The following ETV6 variants were observed in gnomAD, a reference collection of about 807,000 sequenced individuals.
ETV6 encodes the protein transcription factor ETV6.
Under a neutral mutation model 51.1 loss-of-function variants are expected in ETV6, and 16 were observed. The observed-to-expected ratio is 0.31, with a 90% CI of 0.21 to 0.48. The LOEUF (loss-of-function observed/expected upper bound fraction) is 0.48, where lower values mean the gene tolerates loss of function less well. ETV6 is among the 20% of genes least tolerant of loss of function. The pLI is 0.99. For synonymous variants in ETV6, 240 were observed against 224.1 expected (o/e 1.07, Z -0.64); for missense variants, 458 against 594.8 (o/e 0.77, Z 2.39).
At chr12:11,777,724 C>T (rs1215536910) in intron 2 of ETV6, among the ~76,000 whole-genome samples, 1 of 152,170 alleles carries the variant, frequency 6.6e-6, no homozygotes, top group Non-Finnish European at 1.5e-5. Context: ...CAACACACTT[C>T]TTCATTCCAA....
intron 2 of ETV6, among the ~76,000 whole-genome samples, chr12:11,828,716 G>A (rs941462671): frequency 1.3e-5 from 2 of 152,094 alleles, no homozygotes; most frequent in African/African-American, 2.4e-5. Context: ...AAAGAATCCT[G>A]TACCTTCTTC....
At chr12:11,887,909 A>G (rs1311168796) in intron 7 of ETV6, among the ~76,000 whole-genome samples, 2 of 152,126 alleles carry the variant, frequency 1.3e-5, no homozygotes, top group Non-Finnish European at 2.9e-5. Context: ...TTGGCTCTTC[A>G]GCACCATTCC....
chr12:11,739,014 T>C (rs1274030452), intron 1 of ETV6, among the ~76,000 whole-genome samples: 7 of 152,116 alleles, frequency 4.6e-5, no homozygotes, highest in Admixed American at 3.3e-4. Flanking sequence ...CTTTGCAAAG[T>C]GGCGTCCTGA....
chr12:11,708,883 G>A (rs1299112971), intron 1 of ETV6, among the ~76,000 whole-genome samples: 1 of 152,194 alleles, frequency 6.6e-6, no homozygotes, highest in Non-Finnish European at 1.5e-5. Flanking sequence ...GTAAGAAACT[G>A]TCCCAGAATT....
chr12:11,820,682 G>A (rs1946065100), intron 2 of ETV6, among the ~76,000 whole-genome samples: 1 of 152,150 alleles, frequency 6.6e-6, no homozygotes, highest in African/African-American at 2.4e-5. Flanking sequence ...GGGAAAGGAT[G>A]ATGGCAGGAA....
At chr12:11,802,971 T>C (rs1184419848) in intron 2 of ETV6, among the ~76,000 whole-genome samples, 1 of 152,216 alleles carries the variant, frequency 6.6e-6, no homozygotes, top group Non-Finnish European at 1.5e-5. Context: ...CTATTTCATA[T>C]AGGTAGACAG....
chr12:11,714,458 T>C lies in ETV6; in HGVS notation c.34-37992T>C, dbSNP rs150873103. ...CTACGCAGCCTGCCTTCTTCTCTTC[T>C]AGCATGTATTTGATTAGGGGCCTGC... On this transcript the variant is annotated intron_variant, in intron 1 of 7. Coordinates refer to ENST00000396373, the MANE Select transcript of ETV6 (RefSeq NM_001987.5). 2.1e-3 allele frequency among the ~76,000 whole-genome samples: 315 copies of C among 152,296 alleles called. 2 individuals carry two copies. The highest frequency in any genetic ancestry group is 3.5e-3 in the Non-Finnish European group (239 of 68,024).
chr12:11,863,947 C>G (rs776718369), intron 4 of ETV6, among the ~76,000 whole-genome samples: 1 of 152,324 alleles, frequency 6.6e-6, no homozygotes, highest in South Asian at 2.1e-4. Context: ...TAAATACCCT[C>G]GGATCCAGTT....
intron 2 of ETV6, among the ~76,000 whole-genome samples, chr12:11,832,647 A>G (rs986154844): frequency 2.6e-5 from 4 of 152,258 alleles, no homozygotes; most frequent in African/African-American, 4.8e-5. Flanking sequence ...GGAGCCAGCC[A>G]TCTGCTCCTC....
Position 11,893,371 on chromosome 12 carries a change from T to C in ETV6, c.*2325T>C, listed in dbSNP as rs1260812739. On this transcript the variant is annotated 3_prime_UTR_variant, in exon 8 of 8. Transcript: ENST00000396373. ...CTTACTGTTCAAAGAATCTTAACAG[T>C]TGAATTATGGAGGGAAATTCCCTTT... The C allele has an allele frequency of 4.3e-6, 1 of 232,084 alleles. No homozygotes were observed. The highest frequency in any genetic ancestry group is 8.5e-6 in the Non-Finnish European group (1 of 117,536). The allele number at this position is 232,084 out of a possible 1,614,324, so 14.4% of individuals were successfully genotyped here. A position where few individuals can be genotyped will look rare whatever the true frequency, so the allele number is the denominator to read the frequency against.
At chr12:11,788,379 AAACG>A (rs1293724802) in intron 2 of ETV6, among the ~76,000 whole-genome samples, 1 of 152,242 alleles carries the variant, frequency 6.6e-6, no homozygotes, top group Non-Finnish European at 1.5e-5. Flanking sequence ...CCTTTAAAAA[AAACG>A]AACCACCACC....
chr12:11,874,730 GTA>G (rs201885095), intron 5 of ETV6, among the ~76,000 whole-genome samples: 2 of 149,206 alleles, frequency 1.3e-5, no homozygotes, highest in African/African-American at 4.9e-5. Flanking sequence ...ATATATATGT[GTA>G]TATATATATG....
chr12:11,838,033 C>A (rs1036943414), intron 2 of ETV6, among the ~76,000 whole-genome samples: 4 of 152,008 alleles, frequency 2.6e-5, no homozygotes, highest in Non-Finnish European at 5.9e-5. Context: ...TTTCCCAAAC[C>A]AAAAATAATT....
At chr12:11,867,853 GT>G (rs1238193656) in intron 4 of ETV6, among the ~76,000 whole-genome samples, 1 of 152,206 alleles carries the variant, frequency 6.6e-6, no homozygotes, top group Non-Finnish European at 1.5e-5. Flanking sequence ...ATTGAGTTGG[GT>G]GTGGAGCCGT....
chr12:11,743,049 C>G (rs780013486), intron 1 of ETV6, among the ~76,000 whole-genome samples: 1 of 152,068 alleles, frequency 6.6e-6, no homozygotes, highest in Non-Finnish European at 1.5e-5. Context: ...CTCGAGGGAT[C>G]CTCTTGCCCT....
At chr12:11,672,666 C>T (rs1864342308) in intron 1 of ETV6, among the ~76,000 whole-genome samples, 1 of 152,214 alleles carries the variant, frequency 6.6e-6, no homozygotes, top group Admixed American at 6.5e-5. Context: ...GTAAATCATG[C>T]TGCTCATAAC....
At chr12:11,658,297 G>C (rs964091566) in intron 1 of ETV6, among the ~76,000 whole-genome samples, 6 of 152,126 alleles carry the variant, frequency 3.9e-5, no homozygotes, top group African/African-American at 1.4e-4. Flanking sequence ...GTGCAATGCC[G>C]AGATCTCAGC....
chr12:11,781,535 C>T (rs1471747463), intron 2 of ETV6, among the ~76,000 whole-genome samples: 1 of 152,150 alleles, frequency 6.6e-6, no homozygotes, highest in African/African-American at 2.4e-5. Flanking sequence ...GAAACAGTTA[C>T]TTTAACAGTA....
intron 5 of ETV6, among the ~76,000 whole-genome samples, chr12:11,874,783 A>C (rs1946953531): frequency 6.6e-6 from 1 of 150,892 alleles, no homozygotes; most frequent in Non-Finnish European, 1.5e-5. Flanking sequence ...TTATCACTGA[A>C]ATTCCATCAT....
Sources: allele counts gnomAD v4.1 joint callset (sites outside exome capture counted in the v4.1 genomes callset), GRCh38; gene constraint gnomAD v4.1.1; transcripts MANE v1.5; gene names NCBI Gene and HGNC (gene_info 2026-07-23, HGNC 2026-07-21).